The following TPRG1 variants were observed in gnomAD, a reference collection of about 807,000 sequenced individuals.
TPRG1 encodes tumor protein p63-regulated gene 1 protein.
A neutral mutation model predicts 29.3 loss-of-function variants in TPRG1; 29 were observed. The ratio of observed to expected loss-of-function variants is 0.99; its 90% confidence interval spans 0.74 to 1.35. TPRG1 has a LOEUF of 1.35. Among genes scored for constraint, TPRG1 ranks in the 40% most tolerant of loss-of-function variants. The pLI is 0.00. For missense variants in TPRG1, 327 were observed against 335.0 expected (o/e 0.98, Z 0.19); for synonymous variants, 130 against 116.8 (o/e 1.11, Z -0.73).
At chr3:189,259,245 GGGGA>G (rs1196925982) in intron 4 of TPRG1, among the ~76,000 whole-genome samples, 1 of 151,980 alleles carries the variant, frequency 6.6e-6, no homozygotes, top group Non-Finnish European at 1.5e-5. Context: ...CCCTTGGCTA[GGGGA>G]GGGAGTTCCC....
intron 4 of TPRG1, among the ~76,000 whole-genome samples, chr3:189,031,124 T>TACA (rs1480608401): frequency 1.3e-5 from 2 of 151,890 alleles, no homozygotes; most frequent in African/African-American, 2.4e-5. Context: ...CTACTAAAAA[T>TACA]ACAACAACAA....
chr3:189,009,886 C>A (rs1196446181), intron 3 of TPRG1, among the ~76,000 whole-genome samples: 1 of 151,772 alleles, frequency 6.6e-6, no homozygotes, highest in Admixed American at 6.6e-5. Flanking sequence ...GCGCGCAGAT[C>A]ATCCCATCAC....
At position 189,310,250 on chromosome 3, in the gene TPRG1, C is replaced by A. The variant is rs920015768; in HGVS notation, c.480-136C>A. 4 of 657,288 alleles carry A rather than the reference C, an allele frequency of 6.1e-6. No homozygotes were observed. In the Admixed American group the frequency reaches 1.4e-4, roughly 24 times the overall value. 40.7% of individuals were successfully genotyped at this position (657,288 alleles called of 1,614,324 possible). On this transcript the variant is annotated intron_variant, in intron 4 of 5. Coordinates refer to ENST00000345063, the MANE Select transcript of TPRG1 (RefSeq NM_198485.4). ...TTTTTAAAACCTAATTCACCTTTTTCTTCTCACCCCCTAAAATCTTTTGAA... is the reference window on the plus strand; with the variant it reads ...TTTTTAAAACCTAATTCACCTTTTTATTCTCACCCCCTAAAATCTTTTGAA...
At chr3:189,217,810 C>A (rs1041067898) in intron 3 of TPRG1, 22 of 981,074 alleles carry the variant, frequency 2.2e-5, no homozygotes, top group Non-Finnish European at 2.4e-5. Context: ...AAAAGAGGAG[C>A]ATTCATGGAG....
intron 1 of TPRG1, among the ~76,000 whole-genome samples, chr3:189,199,684 C>CA (rs1291044402): frequency 1.3e-5 from 2 of 152,026 alleles, no homozygotes; most frequent in Middle Eastern, 3.4e-3. Context: ...ACTAAAAATA[C>CA]AAAAAAATTA....
intron 4 of TPRG1, among the ~76,000 whole-genome samples, chr3:189,043,586 A>T (rs543868543): frequency 6.6e-6 from 1 of 152,336 alleles, no homozygotes; most frequent in Admixed American, 6.5e-5. Flanking sequence ...CATAAAAGCC[A>T]ATCGTCTGCT....
chr3:189,001,269 C>A (rs995703203), intron 2 of TPRG1, among the ~76,000 whole-genome samples: 1 of 152,112 alleles, frequency 6.6e-6, no homozygotes, highest in African/African-American at 2.4e-5. Flanking sequence ...AATAAAACAA[C>A]AACAACAACA....
chr3:189,075,244 C>T (rs568375282), intron 4 of TPRG1, among the ~76,000 whole-genome samples: 18 of 151,988 alleles, frequency 1.2e-4, no homozygotes, highest in East Asian at 3.9e-4. Context: ...GTGGTTCTCC[C>T]GTCTCCGCCT....
chr3:189,010,283 C>G (rs547395796), intron 3 of TPRG1, among the ~76,000 whole-genome samples: 1 of 152,088 alleles, frequency 6.6e-6, no homozygotes, highest in South Asian at 2.1e-4. Flanking sequence ...AATTTATATT[C>G]CTTTGGGTAT....
intron 4 of TPRG1, among the ~76,000 whole-genome samples, chr3:189,297,581 C>T (rs954024883): frequency 6.6e-6 from 1 of 152,116 alleles, no homozygotes; most frequent in Non-Finnish European, 1.5e-5. Context: ...CACTCCAGAC[C>T]AGCTGGATCA....
intron 3 of TPRG1, among the ~76,000 whole-genome samples, chr3:189,016,404 C>G (rs893813587): frequency 6.6e-6 from 1 of 151,888 alleles, no homozygotes; most frequent in Admixed American, 6.6e-5. Flanking sequence ...GGCTCATAAA[C>G]AGAAGGGACA....
At chr3:189,093,139 C>T (rs1718445838) in intron 4 of TPRG1, among the ~76,000 whole-genome samples, 1 of 150,624 alleles carries the variant, frequency 6.6e-6, no homozygotes, top group South Asian at 2.1e-4. Flanking sequence ...AGACAAAGAG[C>T]ATGAGAGAAT....
intron 5 of TPRG1, among the ~76,000 whole-genome samples, chr3:189,318,191 CA>C (rs1490707639): frequency 2.6e-5 from 4 of 152,128 alleles, no homozygotes; most frequent in East Asian, 3.8e-4. Flanking sequence ...GGCTGCTTAA[CA>C]TCCTAACATG....
intron 4 of TPRG1, among the ~76,000 whole-genome samples, chr3:189,074,525 G>C (rs953841300): frequency 2.0e-5 from 3 of 151,692 alleles, no homozygotes; most frequent in African/African-American, 7.3e-5. Flanking sequence ...TCTTTTTTAC[G>C]TTTGGAAACT....
intron 1 of TPRG1, among the ~76,000 whole-genome samples, chr3:189,196,951 G>A (rs1732638673): frequency 6.6e-6 from 1 of 152,154 alleles, no homozygotes; most frequent in Non-Finnish European, 1.5e-5. Context: ...ACAAGAAACT[G>A]AGGTTTTGGG....
At chr3:189,292,739 A>G (rs1719226302) in intron 4 of TPRG1, among the ~76,000 whole-genome samples, 1 of 152,216 alleles carries the variant, frequency 6.6e-6, no homozygotes, top group Admixed American at 6.5e-5. Context: ...TAAGGTGACA[A>G]GTTATCATAA....
At chr3:189,012,242 C>T (rs1712640386) in intron 3 of TPRG1, among the ~76,000 whole-genome samples, 6 of 152,094 alleles carry the variant, frequency 3.9e-5, no homozygotes, top group Admixed American at 3.9e-4. Flanking sequence ...TAGCATTTGC[C>T]CATTCACTGT....
At chr3:189,154,436 G>A (rs532013841) in intron 5 of TPRG1, among the ~76,000 whole-genome samples, 2 of 146,720 alleles carry the variant, frequency 1.4e-5, no homozygotes, top group African/African-American at 5.0e-5. Context: ...ATGGCCTCAT[G>A]CAGTGTACAT....
intron 4 of TPRG1, among the ~76,000 whole-genome samples, chr3:189,037,227 T>C (rs961042880): frequency 2.0e-4 from 31 of 151,804 alleles, no homozygotes; most frequent in African/African-American, 7.5e-4. Flanking sequence ...TAAATTTGTG[T>C]GTAAAAATTC....
Sources: allele counts gnomAD v4.1 joint callset (sites outside exome capture counted in the v4.1 genomes callset), GRCh38; gene constraint gnomAD v4.1.1; transcripts MANE v1.5; gene names NCBI Gene and HGNC (gene_info 2026-07-23, HGNC 2026-07-21).